The following C1orf146 variants were observed in gnomAD, a reference collection of about 807,000 sequenced individuals.
C1orf146 encodes the protein chromosome 1 open reading frame 146, also known as protein SPO16 homolog.
C1orf146 carries 22 observed loss-of-function variants against 23.0 expected under a neutral mutation model. That is an observed-to-expected ratio of 0.96 (90% CI 0.68 to 1.36). The LOEUF is 1.36. C1orf146 is among the 40% of genes most tolerant of loss of function. C1orf146 has a pLI of 0.00. For missense variants in C1orf146, 199 were observed against 206.8 expected (o/e 0.96, Z 0.23); for synonymous variants, 59 against 65.3 (o/e 0.90, Z 0.47).
intron 2 of C1orf146, among the ~76,000 whole-genome samples, chr1:92,233,236 A>T (rs560707387): frequency 3.0e-4 from 46 of 151,706 alleles, no homozygotes; most frequent in Non-Finnish European, 4.3e-4. Context: ...GGTTTTTATG[A>T]TTTTAGGTCT....
intron 2 of C1orf146, among the ~76,000 whole-genome samples, chr1:92,232,140 G>A (rs969789349): frequency 2.6e-5 from 3 of 115,184 alleles, no homozygotes; most frequent in Non-Finnish European, 5.5e-5. Context: ...TTAAGTTTTA[G>A]GGTACATGTG....
intron 2 of C1orf146, among the ~76,000 whole-genome samples, chr1:92,233,327 T>C (rs1570792635): frequency 1.3e-5 from 2 of 151,118 alleles, no homozygotes; most frequent in Non-Finnish European, 3.0e-5. Context: ...TTTCTACATA[T>C]GGCTAGCCAG....
Position 92,242,324 on chromosome 1 carries a change from C to T in C1orf146, c.160+19C>T, listed in dbSNP as rs1385116184. ...CTTTCTGGTATGGTATATTTGCTCACTGCCTTAAGTTTCTTATGAAATATG... is the reference window on the plus strand; with the variant it reads ...CTTTCTGGTATGGTATATTTGCTCATTGCCTTAAGTTTCTTATGAAATATG... On this transcript the variant is annotated intron_variant, in intron 3 of 5. Coordinates refer to ENST00000370375, the MANE Select transcript of C1orf146 (RefSeq NM_001012425.2). 2.3e-6 allele frequency: 3 copies of T among 1,293,942 alleles called. No homozygotes were observed. The highest frequency in any genetic ancestry group is 4.7e-5 in the East Asian group (2 of 42,538). The allele number at this position is 1,293,942 out of a possible 1,614,324, so 80.2% of individuals were successfully genotyped here.
In C1orf146 at chr1:92,223,588, A is replaced by G. The variant is rs562185200; in HGVS notation, c.-40+5540A>G. ...TGCTCTGTTGCCCAGGCTGGAGTAC[A>G]ATGGCACGATCTCAGCTCACTGCAA... is the stretch of plus-strand genomic sequence containing the variant. On this transcript the variant is annotated intron_variant, in intron 1 of 5. Coordinates refer to ENST00000370375, the MANE Select transcript of C1orf146 (RefSeq NM_001012425.2). Among the ~76,000 whole-genome samples the G allele has an allele frequency of 1.1e-3, 166 of 152,234 alleles. 1 individual carries two copies. Among genetic ancestry groups the G allele is most frequent in the African/African-American group, 3.5e-3 (144 of 41,528 alleles).
chr1:92,220,553 A>G (rs1258962700), intron 1 of C1orf146, among the ~76,000 whole-genome samples: 4 of 152,236 alleles, frequency 2.6e-5, no homozygotes, highest in Admixed American at 6.5e-5. Flanking sequence ...GGCAACCTGC[A>G]TATCTAAACA....
chr1:92,226,365 C>T (rs751354224), intron 1 of C1orf146, among the ~76,000 whole-genome samples: 10 of 151,872 alleles, frequency 6.6e-5, no homozygotes, highest in Non-Finnish European at 1.3e-4. Context: ...GCTCCATTTC[C>T]TCCCGATATA....
intron 2 of C1orf146, among the ~76,000 whole-genome samples, chr1:92,241,189 T>TATTATC (rs1652423010): frequency 9.3e-5 from 1 of 10,760 alleles, no homozygotes; most frequent in South Asian, 0.011. Context: ...CCAAGTTGCT[T>TATTATC]ATTATTATTA....
At chr1:92,245,204 T>C (rs539915286) in intron 5 of C1orf146, among the ~76,000 whole-genome samples, 1 of 152,176 alleles carries the variant, frequency 6.6e-6, no homozygotes, top group Non-Finnish European at 1.5e-5. Flanking sequence ...CATCTACCAA[T>C]TGTCTACTTT....
At chr1:92,244,077 AT>A (rs1471165293) in intron 3 of C1orf146, 139 bp from the exon 4 acceptor site, 19 of 580,712 alleles carry the variant, frequency 3.3e-5, no homozygotes, top group Non-Finnish European at 5.8e-5. Flanking sequence ...TAGGAATTCC[AT>A]TATAGTACTT....
chr1:92,243,776 A>G (rs1301283558), intron 3 of C1orf146, among the ~76,000 whole-genome samples: 7 of 151,940 alleles, frequency 4.6e-5, no homozygotes, highest in Admixed American at 3.3e-4. Context: ...TTGAAGCTCC[A>G]TGTCCCTTCC....
chr1:92,227,811 C>G (rs1032558993), intron 1 of C1orf146, among the ~76,000 whole-genome samples: 3 of 151,452 alleles, frequency 2.0e-5, no homozygotes, highest in African/African-American at 2.4e-5. Flanking sequence ...AATAATACAC[C>G]TTTTTTCACT....
chr1:92,244,872 G>C lies in C1orf146; in HGVS notation c.408+15G>C. ...CTATAGCAAAGGTGAGTCACCCGTG[G>C]AATATGACACATACACACATACATT... On this transcript the variant is annotated intron_variant, in intron 5 of 5. Coordinates refer to ENST00000370375, the MANE Select transcript of C1orf146 (RefSeq NM_001012425.2). The C allele has an allele frequency of 6.8e-7, 1 of 1,468,138 alleles. No individual in the cohort carries two copies. Among genetic ancestry groups the C allele is most frequent in the Non-Finnish European group, 9.5e-7 (1 of 1,049,986 alleles). 90.9% of individuals were successfully genotyped at this position (1,468,138 alleles called of 1,614,324 possible).
chr1:92,242,183 A>T, intron 2 of C1orf146, 29 bp from the exon 3 acceptor site: 1 of 1,355,146 alleles, frequency 7.4e-7, no homozygotes, highest in Admixed American at 1.9e-5. Flanking sequence ...CATGCCTTAA[A>T]TTTGTATTTC....
chr1:92,228,880 C>A, intron 1 of C1orf146: 1 of 399,018 alleles, frequency 2.5e-6, no homozygotes, highest in Non-Finnish European at 4.9e-6. Context: ...ATACTAGCTT[C>A]AAGGACAATT....
rs756262609 is a variant in C1orf146 at position 92,244,229 on chromosome 1, T to C, written c.173T>C (p.Leu58Ser). The change falls in exon 4 of 6, where the codon TTA (leucine) becomes TCA (serine). Residue 58 changes from leucine to serine, a missense_variant. Physicochemically the swap from Leu to Ser is moderately radical, Grantham distance 145 (BLOSUM62 -2). Transcript: ENST00000370375. ...IIFSLSGVAF[L>S]LMDTKECLLS... ...TCACCTTTCCTAGGAGTTGCATTTTTATTAATGGATACTAAGGAATGTCTT... is the reference window on the plus strand; with the variant it reads ...TCACCTTTCCTAGGAGTTGCATTTTCATTAATGGATACTAAGGAATGTCTT... 10 of 1,588,242 alleles carry C rather than the reference T, an allele frequency of 6.3e-6. No homozygotes were observed. The highest frequency in any genetic ancestry group is 7.7e-6 in the Non-Finnish European group (9 of 1,166,256).
At chr1:92,231,707 A>C (rs968295815) in intron 2 of C1orf146, among the ~76,000 whole-genome samples, 7 of 151,878 alleles carry the variant, frequency 4.6e-5, no homozygotes, top group Non-Finnish European at 1.0e-4. Context: ...GAGATTTTCT[A>C]AAGTTTTTTT....
chr1:92,238,350 G>T (rs3122319), intron 2 of C1orf146, among the ~76,000 whole-genome samples: 72,375 of 151,760 alleles, frequency 0.48, 18,253 homozygotes, highest in East Asian at 0.96. Flanking sequence ...TTTTGTTTTG[G>T]TTTGGTTTTC....
chr1:92,244,152 G>T, intron 3 of C1orf146, 65 bp from the exon 4 acceptor site: 2 of 1,156,022 alleles, frequency 1.7e-6, no homozygotes, highest in Non-Finnish European at 1.3e-6. Context: ...GGTTGATTTT[G>T]AGTTTATAAC....
At chr1:92,219,401 A>G (rs915060390) in intron 1 of C1orf146, among the ~76,000 whole-genome samples, 2 of 151,970 alleles carry the variant, frequency 1.3e-5, no homozygotes, top group Admixed American at 1.3e-4. Context: ...TCAACTCAGC[A>G]GGAAGAACTT....
Sources: gnomAD v4.1 joint callset for allele counts (sites outside exome capture counted in the v4.1 genomes callset) on GRCh38, gnomAD v4.1.1 for gene constraint, MANE v1.5 for transcripts, NCBI Gene and HGNC (gene_info 2026-07-23, HGNC 2026-07-21) for gene names.